SYNE2: variants seen among roughly 807,000 people sequenced by gnomAD.
The protein encoded by SYNE2 is spectrin repeat containing nuclear envelope protein 2, also known as nesprin-2.
SYNE2 carries 431 observed loss-of-function variants against 856.3 expected under a neutral mutation model. That is an observed-to-expected ratio of 0.50 (90% CI 0.47 to 0.55). The LOEUF (loss-of-function observed/expected upper bound fraction) is 0.55. Ranked by LOEUF, SYNE2 falls within the 20% of genes least tolerant of loss-of-function variation. The pLI, the probability that SYNE2 is intolerant of heterozygous loss-of-function variation, is 0.00. For missense variants in SYNE2, 8,129 were observed against 8,023.2 expected, an observed-to-expected ratio of 1.01 and a Z score of -0.50; for synonymous variants, 2,923 against 2,872.3, an observed-to-expected ratio of 1.02 and a Z score of -0.56.
In SYNE2 at chr14:63,993,654, T is replaced by C. The variant is rs58026282; in HGVS notation, c.2647-181T>C. 0.51 allele frequency among the ~76,000 whole-genome samples: 76,975 copies of C among 151,600 alleles called. 20,283 individuals carry two copies. The highest frequency in any genetic ancestry group is 0.66 in the African/African-American group (27,309 of 41,250). Reference sequence around the variant, plus strand: ...TCTTTTGAAAAGAATTTAAGAGATTTCAAAGGGCTAGCAACCTCGATTTAC... The same window carrying C: ...TCTTTTGAAAAGAATTTAAGAGATTCCAAAGGGCTAGCAACCTCGATTTAC... On this transcript the variant is annotated intron_variant, in intron 21 of 115. Coordinates refer to ENST00000555002, the MANE Select transcript of SYNE2 (RefSeq NM_182914.3).
At chr14:64,024,129 C>G in intron 38 of SYNE2, 128 bp from the exon 39 acceptor site, 1 of 763,906 alleles carries the variant, frequency 1.3e-6, no homozygotes, top group East Asian at 2.7e-5. Flanking sequence ...TCTCCATCAC[C>G]CTTCTTTCGT....
At chr14:64,192,272 C>T (rs566733681) in intron 99 of SYNE2, among the ~76,000 whole-genome samples, 64 of 151,990 alleles carry the variant, frequency 4.2e-4, no homozygotes, top group African/African-American at 1.4e-3. Context: ...TCTTTGTGGT[C>T]GCCTTTATAG....
chr14:63,807,498 A>C (rs953456770), intron 1 of SYNE2, among the ~76,000 whole-genome samples: 1 of 152,096 alleles, frequency 6.6e-6, no homozygotes, highest in Non-Finnish European at 1.5e-5. Context: ...GTGTGGTCAA[A>C]GCTGTCTGAG....
At chr14:63,932,748 C>T (rs2095779088) in intron 2 of SYNE2, among the ~76,000 whole-genome samples, 2 of 152,114 alleles carry the variant, frequency 1.3e-5, no homozygotes, top group African/African-American at 2.4e-5. Context: ...CTGGTTATGT[C>T]CAATTATAAT....
At chr14:63,843,934 C>T (rs1387318152) in intron 1 of SYNE2, among the ~76,000 whole-genome samples, 2 of 152,288 alleles carry the variant, frequency 1.3e-5, no homozygotes, top group South Asian at 2.1e-4. Context: ...TTCCCATATA[C>T]TGCCCTCCTT....
chr14:64,043,964 C>G (rs2097167700), intron 45 of SYNE2, among the ~76,000 whole-genome samples: 1 of 152,184 alleles, frequency 6.6e-6, no homozygotes, highest in Admixed American at 6.5e-5. Context: ...TTCAAGTGAT[C>G]CTCCCACCTC....
chr14:64,078,084 G>C (rs924045032), intron 54 of SYNE2, among the ~76,000 whole-genome samples: 6 of 152,116 alleles, frequency 3.9e-5, no homozygotes, highest in African/African-American at 7.2e-5. Context: ...AAAATGGAAA[G>C]ATTGTATAAA....
chr14:64,225,342 A>C lies in SYNE2; in HGVS notation c.20540A>C (p.Gln6847Pro). The C allele has an allele frequency of 6.2e-7, 1 of 1,614,114 alleles. No homozygotes were observed. The highest frequency in any genetic ancestry group is 1.1e-5 in the South Asian group (1 of 91,080). The part of the protein sequence containing the change: ...ESRVPGSTRP[Q>P]RSFLSRVVRA... ...AGGGTCCCCGGCAGCACACGGCCAC[A>C]GCGCTCCTTCCTCTCAAGGGTGGTC... The change falls in exon 116 of 116, where the codon CAG (glutamine) becomes CCG (proline). Residue 6847 changes from glutamine (Q) to proline (P), a missense_variant. This residue lies in a region of SYNE2 where 5,410 missense variants were observed against 5,284.8 expected (regional missense o/e 1.02). Coordinates refer to ENST00000555002, the MANE Select transcript of SYNE2 (RefSeq NM_182914.3).
At chr14:63,786,589 C>CAAA in intron 1 of SYNE2, among the ~76,000 whole-genome samples, 1 of 152,074 alleles carries the variant, frequency 6.6e-6, no homozygotes, top group Non-Finnish European at 1.5e-5. Flanking sequence ...CTGTTGGTTT[C>CAAA]CTATTGCAGA....
chr14:63,762,029 T>C (rs1190842702), intron 1 of SYNE2: 2 of 495,630 alleles, frequency 4.0e-6, no homozygotes, highest in African/African-American at 2.0e-5. Flanking sequence ...GAATATAAGC[T>C]AGTCGTTCTT....
chr14:63,979,247 A>G (rs747368741), intron 14 of SYNE2, among the ~76,000 whole-genome samples: 7 of 152,248 alleles, frequency 4.6e-5, no homozygotes, highest in Non-Finnish European at 7.3e-5. Flanking sequence ...GGGGAGATTA[A>G]GAGTTAACCA....
intron 1 of SYNE2, among the ~76,000 whole-genome samples, chr14:63,829,449 T>A (rs1889586389): frequency 1.3e-5 from 2 of 151,740 alleles, no homozygotes; most frequent in Admixed American, 6.6e-5. Context: ...ACAAAAAAAG[T>A]CTAGCGTTTC....
At chr14:63,839,871 A>G (rs930035635) in intron 1 of SYNE2, among the ~76,000 whole-genome samples, 1 of 152,222 alleles carries the variant, frequency 6.6e-6, no homozygotes, top group Non-Finnish European at 1.5e-5. Flanking sequence ...GAAAGTGTTA[A>G]CATTTTGGTT....
rs2097694904 is a variant in SYNE2 at position 64,098,441 on chromosome 14, A to G, written c.12306+295A>G. On this transcript the variant is annotated intron_variant, in intron 62 of 115. Coordinates refer to ENST00000555002, the MANE Select transcript of SYNE2 (RefSeq NM_182914.3). ...TGAAGTATCTTCGTACAGAAAAGTC[A>G]GCCCTTTGCAGACTCAAGAAGGGCC... is the stretch of plus-strand genomic sequence containing the variant. 3.4e-5 allele frequency: 20 copies of G among 584,322 alleles called. No homozygotes were observed. In the South Asian group the frequency reaches 4.1e-4, roughly 12 times the overall value. 36.2% of individuals were successfully genotyped at this position (584,322 alleles called of 1,614,324 possible).
At position 64,129,287 on chromosome 14, in the gene SYNE2, A is replaced by G. The variant is rs933820728; in HGVS notation, c.14020-495A>G. On this transcript the variant is annotated intron_variant, in intron 74 of 115. Transcript: ENST00000555002. ...GTGCCACTGCACTCCAGCTTGGGTGACAGAGCCAGACTTTTGTCTCTAAAT... is the reference window on the plus strand; with the variant it reads ...GTGCCACTGCACTCCAGCTTGGGTGGCAGAGCCAGACTTTTGTCTCTAAAT... Among the ~76,000 whole-genome samples, 3 of 152,340 alleles carry G rather than the reference A, an allele frequency of 2.0e-5. No homozygotes were observed. The East Asian group carries it at 5.8e-4, about 29-fold the overall frequency.
intron 1 of SYNE2, among the ~76,000 whole-genome samples, chr14:63,769,780 T>C (rs1166209937): frequency 1.4e-5 from 2 of 146,588 alleles, no homozygotes; most frequent in African/African-American, 5.1e-5. Context: ...GCACCTGTGG[T>C]CCCAGTTACT....
chr14:63,971,579 A>AT (rs751997735), intron 11 of SYNE2, among the ~76,000 whole-genome samples: 4,652 of 142,472 alleles, frequency 0.033, 101 homozygotes, highest in African/African-American at 0.053. Context: ...CCATGTTATC[A>AT]TTTTTTTTTT....
intron 54 of SYNE2, among the ~76,000 whole-genome samples, chr14:64,077,623 A>T (rs1417266180): frequency 1.3e-5 from 1 of 77,712 alleles, no homozygotes; most frequent in Non-Finnish European, 3.0e-5. Flanking sequence ...CTCAATGGTT[A>T]TACAGATAGA....
Position 64,226,188 on chromosome 14 carries a change from T to A in SYNE2, c.*662T>A, listed in dbSNP as rs13136. On this transcript the variant is annotated 3_prime_UTR_variant, in exon 116 of 116. Coordinates refer to ENST00000555002, the MANE Select transcript of SYNE2 (RefSeq NM_182914.3). ...AATAATGTAAACTTCGATTTTTTTT[T>A]AAAAAAATTAGATTTTAGCTGGAGC... is the stretch of plus-strand genomic sequence containing the variant. The A allele has an allele frequency of 0.12, 18,056 of 152,610 alleles. 1,125 individuals are homozygous for A. The highest frequency in any genetic ancestry group is 0.15 in the African/African-American group (6,146 of 41,456). The allele number at this position is 152,610 out of a possible 1,614,324, so 9.5% of individuals were successfully genotyped here.
Sources: allele counts gnomAD v4.1 joint callset (sites outside exome capture counted in the v4.1 genomes callset), GRCh38; gene constraint gnomAD v4.1.1; regional missense constraint gnomAD v4.1.1; transcripts MANE v1.5; gene names NCBI Gene and HGNC (gene_info 2026-07-23, HGNC 2026-07-21).